The following PHKG2 variants were observed in gnomAD, a reference collection of about 807,000 sequenced individuals.
PHKG2 encodes the protein phosphorylase kinase catalytic subunit gamma 2, also known as phosphorylase b kinase gamma catalytic chain, liver/testis isoform.
A neutral mutation model predicts 44.5 loss-of-function variants in PHKG2; 28 were observed. The ratio of observed to expected loss-of-function variants is 0.63; its 90% CI spans 0.47 to 0.86. PHKG2 has a LOEUF of 0.86. Ranked by LOEUF, PHKG2 falls within the 40% of genes least tolerant of loss-of-function variation. The pLI is 0.00. For missense variants in PHKG2, 498 were observed against 547.5 expected (o/e 0.91, Z 0.90); for synonymous variants, 220 against 211.2 (o/e 1.04, Z -0.36).
intron 4 of PHKG2, chr16:30,752,017 C>T (rs572204675): frequency 6.8e-5 from 19 of 278,592 alleles, no homozygotes; most frequent in Admixed American, 2.8e-4. Flanking sequence ...GGCATGAACC[C>T]GGGAGGCGGA....
chr16:30,749,572 C>T (rs1276222980), intron 2 of PHKG2, among the ~76,000 whole-genome samples: 1 of 151,784 alleles, frequency 6.6e-6, no homozygotes, highest in African/African-American at 2.4e-5. Context: ...TCTTGAACTC[C>T]TGATCTCGTG....
chr16:30,753,165 G>A (rs537463666), intron 4 of PHKG2, 67 bp from the exon 5 acceptor site: 58 of 1,204,214 alleles, frequency 4.8e-5, no homozygotes, highest in South Asian at 1.5e-4. Flanking sequence ...TTTTGTATGA[G>A]CACTGGTCTG....
chr16:30,756,580 T>G lies in PHKG2; in HGVS notation c.802-10T>G, dbSNP rs369522726. On this transcript the variant is annotated splice_polypyrimidine_tract_variant and intron_variant, in intron 8 of 9. Transcript: ENST00000563588. ...CAAGAGCTGCCCCTCATGCTCTGGG[T>G]CTCTCCTAGATCTCCAGGCTGCTGC... is the stretch of plus-strand genomic sequence containing the variant. 3.1e-6 allele frequency: 5 copies of G among 1,613,226 alleles called. No individual in the cohort carries two copies. The African/African-American group carries it at 5.3e-5, about 17-fold the overall frequency.
In PHKG2 at chr16:30,759,348, T is replaced by C; in HGVS notation, c.*2251T>C. On this transcript the variant is annotated 3_prime_UTR_variant, in exon 10 of 10. Coordinates refer to ENST00000563588, the MANE Select transcript of PHKG2 (RefSeq NM_000294.3). ...ATGGTCCACCACCCCCTACCTGGGG[T>C]GTGAAGACGTATTTATAGAGCTTGA... 6.2e-7 allele frequency: 1 copy of C among 1,613,618 alleles called. No homozygotes were observed. Among genetic ancestry groups the C allele is most frequent in the Non-Finnish European group, 8.5e-7 (1 of 1,179,594 alleles).
chr16:30,757,285 G>A lies in PHKG2; in HGVS notation c.*188G>A. On this transcript the variant is annotated 3_prime_UTR_variant, in exon 10 of 10. Coordinates refer to ENST00000563588, the MANE Select transcript of PHKG2 (RefSeq NM_000294.3). ...GAGATCAGAGCTGGGGTGGAAGGGAGCCATTCTGAACGCCACGCCTGGCCC... is the reference window on the plus strand; with the variant it reads ...GAGATCAGAGCTGGGGTGGAAGGGAACCATTCTGAACGCCACGCCTGGCCC... 8.4e-6 allele frequency: 13 copies of A among 1,545,492 alleles called. No homozygotes were observed. Among genetic ancestry groups the A allele is most frequent in the African/African-American group, 1.4e-5 (1 of 73,152 alleles).
chr16:30,753,157 T>C (rs757383260), intron 4 of PHKG2, 75 bp from the exon 5 acceptor site: 19 of 1,160,152 alleles, frequency 1.6e-5, no homozygotes, highest in Non-Finnish European at 2.3e-5. Context: ...CCACAATATT[T>C]TGTATGAGCA....
chr16:30,753,362 G>T (rs535319513), intron 5 of PHKG2, 32 bp from the exon 6 acceptor site: 8 of 1,613,798 alleles, frequency 5.0e-6, no homozygotes, highest in Non-Finnish European at 6.8e-6. Flanking sequence ...AGGAGCCGAG[G>T]AGGAGACTGC....
Position 30,760,179 on chromosome 16 carries a change from CAT to C in PHKG2, c.*3085_*3086del. The C allele has an allele frequency of 6.2e-7, 1 of 1,602,722 alleles. No homozygotes were observed. Among genetic ancestry groups the C allele is most frequent in the African/African-American group, 1.3e-5 (1 of 74,870 alleles). On this transcript the variant is annotated 3_prime_UTR_variant, in exon 10 of 10. Coordinates refer to ENST00000563588, the MANE Select transcript of PHKG2 (RefSeq NM_000294.3). ...TGTATGATGATGCTACTAATAATGACATATTCCAGGCAGAAATCCCCTGCTTC... is the reference window on the plus strand; with the variant it reads ...TGTATGATGATGCTACTAATAATGACATTCCAGGCAGAAATCCCCTGCTTC...
chr16:30,756,858 G>A lies in PHKG2; in HGVS notation c.982G>A (p.Val328Ile). 12 of 1,614,164 alleles carry A rather than the reference G, an allele frequency of 7.4e-6. No individual in the cohort carries two copies. Among genetic ancestry groups the A allele is most frequent in the Non-Finnish European group, 1.0e-5 (12 of 1,180,038 alleles). The change falls in exon 10 of 10, where the codon GTA (valine) becomes ATA (isoleucine). Residue 328 changes from valine to isoleucine, a missense_variant. Coordinates refer to ENST00000563588, the MANE Select transcript of PHKG2 (RefSeq NM_000294.3). ...ACGAGTGGCCCTAAGCACCCATCGT[G>A]TACGGCCACTGACCAAGAATGCACT... ...AGRVALSTHR[V>I]RPLTKNALLR...
chr16:30,758,929 GT>G lies in PHKG2; in HGVS notation c.*1833del. 1 of 1,553,086 alleles carries G rather than the reference GT, an allele frequency of 6.4e-7. No homozygotes were observed. Among genetic ancestry groups the G allele is most frequent in the Admixed American group, 2.0e-5 (1 of 49,638 alleles). On this transcript the variant is annotated 3_prime_UTR_variant, in exon 10 of 10. Transcript: ENST00000563588. Reference sequence around the variant, plus strand: ...AAAGGACTCTGACTAAAAACAAAAAGTCTGAAGTCCTGATGTCATCCAAACC... The same window carrying G: ...AAAGGACTCTGACTAAAAACAAAAAGCTGAAGTCCTGATGTCATCCAAACC...
Position 30,760,580 on chromosome 16 carries a change from C to CT in PHKG2, c.*3485dup, listed in dbSNP as rs766717522. Reference sequence around the variant, plus strand: ...GACCCCTCAGCCTTTGCCAAGAGCTCTTCCCACGCCCCCCTCAGTCCCTAC... The same window carrying CT: ...GACCCCTCAGCCTTTGCCAAGAGCTCTTTCCCACGCCCCCCTCAGTCCCTAC... On this transcript the variant is annotated 3_prime_UTR_variant, in exon 10 of 10. Transcript: ENST00000563588. The CT allele has an allele frequency of 6.4e-7, 1 of 1,565,004 alleles. No homozygotes were observed. Among genetic ancestry groups the CT allele is most frequent in the Non-Finnish European group, 8.7e-7 (1 of 1,154,156 alleles).
At chr16:30,749,115 GTGCTGGTGCTGGTGGTGGTGGTGC>G (rs2053303022) in intron 2 of PHKG2, among the ~76,000 whole-genome samples, 200 bp downstream of exon 2, 1 of 38,752 alleles carries the variant, frequency 2.6e-5, no homozygotes, top group African/African-American at 8.8e-5. Flanking sequence ...GCTGCTGGTG[GTGCTGGTGCTGGTGGTGGTGGTGC>G]TGGTGCTGGT....
Position 30,751,035 on chromosome 16 carries a change from GC to G in PHKG2, c.96-70del, listed in dbSNP as rs930256517. 6 of 1,507,822 alleles carry G rather than the reference GC, an allele frequency of 4.0e-6. No homozygotes were observed. In the Admixed American group the frequency reaches 6.7e-5, roughly 17 times the overall value. The allele number at this position is 1,507,822 out of a possible 1,614,324, so 93.4% of individuals were successfully genotyped here. ...AGTCTGGCACAGCGGGCATGAGGAT[GC>G]TGAGGCCCCAGCCTGTGCGGAAATG... On this transcript the variant is annotated intron_variant, in intron 2 of 9. Transcript: ENST00000563588.
At position 30,756,670 on chromosome 16, in the gene PHKG2, T is replaced by G; in HGVS notation, c.882T>G (p.Cys294Trp). Residue 294 changes from cysteine to tryptophan, a missense_variant, in exon 9 of 10, where the codon TGT (cysteine) becomes TGG (tryptophan). Transcript: ENST00000563588. ...QALQHPFFER[C>W]EGSQPWNLTP... ...TACAGCACCCCTTCTTTGAGCGTTG[T>G]GAAGGCAGCCAACCCTGGAACCTCA... 6.2e-7 allele frequency: 1 copy of G among 1,614,066 alleles called. No homozygotes were observed. Among genetic ancestry groups the G allele is most frequent in the Non-Finnish European group, 8.5e-7 (1 of 1,180,028 alleles).
chr16:30,759,206 TG>T lies in PHKG2; in HGVS notation c.*2111del. On this transcript the variant is annotated 3_prime_UTR_variant, in exon 10 of 10. Coordinates refer to ENST00000563588, the MANE Select transcript of PHKG2 (RefSeq NM_000294.3). Reference sequence around the variant, plus strand: ...TCTCACTCTCTGGCCACAGTTTGGGTGGCTGTAGCCCCATGTAAGTCAAAGA... The same window carrying T: ...TCTCACTCTCTGGCCACAGTTTGGGTGCTGTAGCCCCATGTAAGTCAAAGA... 1 of 1,614,186 alleles carries T rather than the reference TG, an allele frequency of 6.2e-7. No individual in the cohort carries two copies. Among genetic ancestry groups the T allele is most frequent in the Non-Finnish European group, 8.5e-7 (1 of 1,180,040 alleles).
chr16:30,751,247 C>A lies in PHKG2; in HGVS notation c.237C>A (p.His79Gln), dbSNP rs1383312036. The A allele has an allele frequency of 1.2e-6, 2 of 1,612,148 alleles. No homozygotes were observed. The highest frequency in any genetic ancestry group is 1.7e-6 in the Non-Finnish European group (2 of 1,180,030). ...EVREATRRETHILRQVAGHPH... is the reference protein window; with the variant it reads ...EVREATRRETQILRQVAGHPH... ...GGGAAGCCACACGGCGAGAGACACA[C>A]ATCCTTCGCCAGGTCGCCGGCCACC... Residue 79 changes from histidine to glutamine, a missense_variant, in exon 3 of 10, where the codon CAC becomes CAA. His to Gln is a conservative substitution (Grantham distance 24). Coordinates refer to ENST00000563588, the MANE Select transcript of PHKG2 (RefSeq NM_000294.3).
rs745412396 is a variant in PHKG2, at chr16:30,756,230, C to T, written c.605C>T (p.Ser202Phe). The change falls in exon 7 of 10, where the codon TCC (serine) becomes TTC (phenylalanine). Residue 202 changes from serine to phenylalanine, a missense_variant. Ser to Phe is a radical substitution (Grantham distance 155). Coordinates refer to ENST00000563588, the MANE Select transcript of PHKG2 (RefSeq NM_000294.3). Reference sequence around the variant, plus strand: ...CTAGCGCCAGAGATCCTTAAATGCTCCATGGATGAAACCCACCCAGGCTAT... The same window carrying T: ...CTAGCGCCAGAGATCCTTAAATGCTTCATGGATGAAACCCACCCAGGCTAT... ...GYLAPEILKC[S>F]MDETHPGYGK... 2 of 1,614,140 alleles carry T rather than the reference C, an allele frequency of 1.2e-6. No individual in the cohort carries two copies. Among genetic ancestry groups the T allele is most frequent in the East Asian group, 4.5e-5 (2 of 44,884 alleles).
intron 4 of PHKG2, 42 bp from the exon 5 acceptor site, chr16:30,753,190 A>G: frequency 2.7e-6 from 4 of 1,497,432 alleles, no homozygotes; most frequent in Middle Eastern, 3.4e-4. Context: ...CTCAGCCCCC[A>G]CTGTGGGATG....
chr16:30,754,158 TTTTTC>T (rs1389915476), intron 6 of PHKG2, among the ~76,000 whole-genome samples: 1 of 150,098 alleles, frequency 6.7e-6, no homozygotes, highest in Admixed American at 6.6e-5. Flanking sequence ...CCAGTCTTTT[TTTTTC>T]TTTTTTCTTT....
Sources: allele counts gnomAD v4.1 joint callset (sites outside exome capture counted in the v4.1 genomes callset), GRCh38; gene constraint gnomAD v4.1.1; transcripts MANE v1.5; gene names NCBI Gene and HGNC (gene_info 2026-07-23, HGNC 2026-07-21).